Variants in FABP7 observed in about 807,000 individuals in gnomAD.
The protein encoded by FABP7 is fatty acid-binding protein, brain.
In FABP7, 13 loss-of-function variants were observed where a neutral mutation model predicts 14.2. The observed-to-expected ratio is 0.91, with a 90% CI of 0.59 to 1.45. FABP7 has a LOEUF of 1.45. FABP7 is among the 40% of genes most tolerant of loss of function. The pLI, the probability that FABP7 is intolerant of heterozygous loss-of-function variation, is 0.00. For missense variants in FABP7, 149 were observed against 157.6 expected, an observed-to-expected ratio of 0.95 and a Z score of 0.29; for synonymous variants, 49 against 51.4, an observed-to-expected ratio of 0.95 and a Z score of 0.20.
At chr6:122,779,959 C>G in intron 1 of FABP7, 92 bp downstream of exon 1, 1 of 1,224,660 alleles carries the variant, frequency 8.2e-7, no homozygotes, top group Non-Finnish European at 1.2e-6. Flanking sequence ...CAGCAAGAGG[C>G]AAAGACAGAT....
the FABP7 span, among the ~76,000 whole-genome samples, chr6:122,760,547 T>C: frequency 6.6e-6 from 1 of 151,930 alleles, no homozygotes; most frequent in Non-Finnish European, 1.5e-5. Context: ...GTTTTTTTTT[T>C]CCTTCTGTTC....
At chr6:122,759,496 G>A in the FABP7 span, among the ~76,000 whole-genome samples, 1 of 152,050 alleles carries the variant, frequency 6.6e-6, no homozygotes, top group Non-Finnish European at 1.5e-5. Context: ...TCTTAATCAG[G>A]CTTAATCAGA....
Position 122,781,155 on chromosome 6 carries a change from A to G in FABP7, c.309A>G (p.Thr103=). 6.2e-7 allele frequency: 1 copy of G among 1,614,070 alleles called. No individual in the cohort carries two copies. Among genetic ancestry groups the G allele is most frequent in the South Asian group, 1.1e-5 (1 of 91,084 alleles). ...VHIQKWDGKE[T]NFVREIKDGK... ...TACAGAAATGGGATGGCAAAGAAACAAATTTTGTAAGAGAAATTAAGGATG... is the reference window on the plus strand; with the variant it reads ...TACAGAAATGGGATGGCAAAGAAACGAATTTTGTAAGAGAAATTAAGGATG... The change falls in exon 3 of 4, where the codon ACA becomes ACG. Residue 103 remains threonine (T), a synonymous_variant. Coordinates refer to ENST00000368444, the MANE Select transcript of FABP7 (RefSeq NM_001446.5).
At chr6:122,754,075 A>G in the FABP7 span, among the ~76,000 whole-genome samples, 3 of 152,110 alleles carry the variant, frequency 2.0e-5, no homozygotes, top group African/African-American at 7.2e-5. Context: ...TCAGCATGAA[A>G]CAGCCTTAGG....
At chr6:122,780,186 A>AACTT in intron 1 of FABP7, 105 bp from the exon 2 acceptor site, 1 of 1,206,166 alleles carries the variant, frequency 8.3e-7, no homozygotes, top group East Asian at 2.4e-5. Context: ...GTTCTAATGA[A>AACTT]ACTTACACTT....
intron 2 of FABP7, 70 bp downstream of exon 2, chr6:122,780,533 G>A: frequency 2.3e-5 from 33 of 1,455,332 alleles, no homozygotes; most frequent in Non-Finnish European, 3.0e-5. Flanking sequence ...TCCAATGCAT[G>A]TTTTTTTTAA....
the FABP7 span, among the ~76,000 whole-genome samples, chr6:122,752,346 A>G: frequency 1.4e-3 from 219 of 152,294 alleles, 2 homozygotes; most frequent in African/African-American, 5.2e-3. Flanking sequence ...AAGTCCCTCA[A>G]TCATGCATGC....
upstream of FABP7, among the ~76,000 whole-genome samples, chr6:122,776,161 T>A (rs183287595): frequency 1.7e-4 from 26 of 152,264 alleles, no homozygotes; most frequent in East Asian, 5.0e-3. Flanking sequence ...GATGCAATAA[T>A]CCCATTGCAG....
At chr6:122,764,003 C>T in the FABP7 span, among the ~76,000 whole-genome samples, 1 of 152,118 alleles carries the variant, frequency 6.6e-6, no homozygotes, top group African/African-American at 2.4e-5. Flanking sequence ...AGGATCTAAA[C>T]CTAGAAATAC....
Position 122,780,346 on chromosome 6 carries a change from C to G in FABP7, c.129C>G (p.Ile43Met), listed in dbSNP as rs1780753718. Residue 43 changes from isoleucine to methionine, a missense_variant, in exon 2 of 4, where the codon ATC becomes ATG. Physicochemically the swap from Ile to Met is conservative, Grantham distance 10. Transcript: ENST00000368444. ...ATGTGACCAAACCAACGGTAATTAT[C>G]AGTCAAGAAGGAGACAAAGTGGTCA... Reference protein sequence around the residue: ...VGNVTKPTVIISQEGDKVVIR... With the variant: ...VGNVTKPTVIMSQEGDKVVIR... The G allele has an allele frequency of 3.1e-6, 5 of 1,613,958 alleles. No homozygotes were observed. The African/African-American group carries it at 6.7e-5, about 22-fold the overall frequency.
the FABP7 span, among the ~76,000 whole-genome samples, chr6:122,766,613 G>A: frequency 1.3e-5 from 2 of 152,078 alleles, no homozygotes; most frequent in East Asian, 3.9e-4. Context: ...AAAATGATTA[G>A]GGAATCAGGA....
At chr6:122,760,042 C>G in the FABP7 span, among the ~76,000 whole-genome samples, 9 of 151,850 alleles carry the variant, frequency 5.9e-5, no homozygotes, top group African/African-American at 1.9e-4. Flanking sequence ...TTACTTGAAC[C>G]CAGGAGGCGG....
At chr6:122,776,139 G>C (rs958534905), upstream of FABP7, among the ~76,000 whole-genome samples, 1 of 152,010 alleles carries the variant, frequency 6.6e-6, no homozygotes, top group Non-Finnish European at 1.5e-5. Context: ...ACTTAAAATA[G>C]AACTACCATA....
At chr6:122,782,677 T>G (rs1780822238) in intron 3 of FABP7, 2 of 985,312 alleles carry the variant, frequency 2.0e-6, no homozygotes, top group South Asian at 4.7e-5. Context: ...TACATAGTCC[T>G]TGTACGATGA....
the FABP7 span, among the ~76,000 whole-genome samples, chr6:122,764,589 A>G: frequency 1.3e-5 from 2 of 152,178 alleles, no homozygotes; most frequent in African/African-American, 4.8e-5. Flanking sequence ...AAAGGAACTC[A>G]TGAACTGTTT....
At chr6:122,755,459 A>ATTTT in the FABP7 span, among the ~76,000 whole-genome samples, 13 of 131,944 alleles carry the variant, frequency 9.9e-5, 1 homozygote, top group Non-Finnish European at 1.4e-4. Context: ...TATGTTTTGT[A>ATTTT]TTTTTTTTTT....
Position 122,781,273 on chromosome 6 carries a change from CTCCTCCTTCCATTCT to C in FABP7, c.348+90_348+104del, listed in dbSNP as rs758708446. On this transcript the variant is annotated intron_variant, in intron 3 of 3. Transcript: ENST00000368444. ...CTCTCACCTCCTTCCTTCTTCTTCC[CTCCTCCTTCCATTCT>C]TCCTCCTTCCTTCCTTCTTTAATAA... 4.8e-5 allele frequency: 76 copies of C among 1,567,754 alleles called. 1 individual carries two copies. The Middle Eastern group carries it at 4.3e-3, about 89-fold the overall frequency.
the FABP7 span, among the ~76,000 whole-genome samples, chr6:122,770,245 G>A: frequency 4.6e-5 from 7 of 152,196 alleles, no homozygotes; most frequent in South Asian, 1.5e-3. Flanking sequence ...AAACTTTGGG[G>A]ATCTTGGAAA....
chr6:122,778,410 G>A (rs1562338592), upstream of FABP7, among the ~76,000 whole-genome samples: 1 of 152,192 alleles, frequency 6.6e-6, no homozygotes, highest in East Asian at 1.9e-4. Flanking sequence ...CACCGAAGAA[G>A]AATCATGTAG....
Sources: allele counts gnomAD v4.1 joint callset (sites outside exome capture counted in the v4.1 genomes callset), GRCh38; gene constraint gnomAD v4.1.1; transcripts MANE v1.5; gene names NCBI Gene and HGNC (gene_info 2026-07-23, HGNC 2026-07-21).